The following ATXN7L1 variants were observed in gnomAD, a reference collection of about 807,000 sequenced individuals.
The protein encoded by ATXN7L1 is ataxin-7-like protein 1.
In ATXN7L1, 15 loss-of-function variants were observed where a neutral mutation model predicts 70.8. That is an observed-to-expected ratio of 0.21 (90% CI 0.14 to 0.33). The LOEUF (loss-of-function observed/expected upper bound fraction) is 0.33, where lower values mean the gene tolerates loss of function less well. Ranked by LOEUF, ATXN7L1 falls within the 10% of genes least tolerant of loss-of-function variation. The pLI is 1.00. For missense variants in ATXN7L1, 975 were observed against 1,097.1 expected (o/e 0.89, Z 1.57); for synonymous variants, 440 against 445.1 (o/e 0.99, Z 0.14).
At chr7:105,778,510 C>CAAAAA (rs745820046) in intron 3 of ATXN7L1, among the ~76,000 whole-genome samples, 61 of 34,118 alleles carry the variant, frequency 1.8e-3, no homozygotes, top group African/African-American at 7.1e-3. Context: ...GACCCTATCT[C>CAAAAA]AAAAAAAAAA....
At chr7:105,692,507 C>T (rs59901530) in intron 3 of ATXN7L1, among the ~76,000 whole-genome samples, 12,811 of 142,438 alleles carry the variant, frequency 0.09, 835 homozygotes, top group East Asian at 0.35. Context: ...AGTGCAATGG[C>T]GCTATCTTGG....
At chr7:105,662,023 TTTCTTTCCTTCCTTCC>T (rs1162690915) in intron 4 of ATXN7L1, among the ~76,000 whole-genome samples, 2,313 of 65,354 alleles carry the variant, frequency 0.035, 58 homozygotes, top group African/African-American at 0.087. Flanking sequence ...TCTTTCTTTC[TTTCTTTCCTTCCTTCC>T]TTCCTTCCTT....
At chr7:105,688,931 G>C (rs554432406) in intron 3 of ATXN7L1, among the ~76,000 whole-genome samples, 1 of 152,322 alleles carries the variant, frequency 6.6e-6, no homozygotes, top group East Asian at 1.9e-4. Context: ...TCTGATTACT[G>C]GTTCTAATTA....
chr7:105,639,326 C>A (rs1797840796), intron 6 of ATXN7L1, among the ~76,000 whole-genome samples, 161 bp downstream of exon 6: 1 of 148,678 alleles, frequency 6.7e-6, no homozygotes, highest in African/African-American at 2.5e-5. Flanking sequence ...TTGAGGCAGG[C>A]ACTCTGCTAC....
chr7:105,772,487 T>A (rs1802153887), intron 3 of ATXN7L1, among the ~76,000 whole-genome samples: 1 of 152,072 alleles, frequency 6.6e-6, no homozygotes, highest in Non-Finnish European at 1.5e-5. Context: ...ATGAGGCAAA[T>A]ACATATTGAC....
At chr7:105,656,316 C>T (rs895003065) in intron 4 of ATXN7L1, among the ~76,000 whole-genome samples, 5 of 152,172 alleles carry the variant, frequency 3.3e-5, no homozygotes, top group East Asian at 1.9e-4. Context: ...ATGTGGGGAC[C>T]GAGTCTTCTT....
chr7:105,760,227 T>C, intron 3 of ATXN7L1: 1 of 984,838 alleles, frequency 1.0e-6, no homozygotes, highest in Non-Finnish European at 1.2e-6. Flanking sequence ...CAGTGTGTCA[T>C]GCACTGGGAA....
intron 2 of ATXN7L1, among the ~76,000 whole-genome samples, chr7:105,839,481 G>A (rs554838097): frequency 7.6e-4 from 116 of 152,318 alleles, no homozygotes; most frequent in Non-Finnish European, 1.4e-3. Flanking sequence ...TAGCACATAT[G>A]AGCCTGTTTG....
intron 3 of ATXN7L1, among the ~76,000 whole-genome samples, chr7:105,754,401 CT>C (rs778417692): frequency 1.8e-3 from 264 of 145,372 alleles, no homozygotes; most frequent in Middle Eastern, 3.5e-3. Context: ...TTCTTTCTTT[CT>C]TTTTTTTTTT....
intron 3 of ATXN7L1, among the ~76,000 whole-genome samples, chr7:105,776,696 C>G (rs1802786370): frequency 6.6e-6 from 1 of 152,112 alleles, no homozygotes; most frequent in African/African-American, 2.4e-5. Flanking sequence ...ATTGGTGAAG[C>G]AGAAGGTGCC....
At chr7:105,697,317 G>A (rs1314916490) in intron 3 of ATXN7L1, among the ~76,000 whole-genome samples, 1 of 152,166 alleles carries the variant, frequency 6.6e-6, no homozygotes, top group African/African-American at 2.4e-5. Flanking sequence ...CGCCCCAGAG[G>A]GGCCAGTTCA....
intron 3 of ATXN7L1, among the ~76,000 whole-genome samples, chr7:105,710,639 C>G (rs1178772455): frequency 6.6e-6 from 1 of 151,456 alleles, no homozygotes; most frequent in African/African-American, 2.4e-5. Flanking sequence ...TCTCGATCTC[C>G]TGACCTCGTG....
intron 3 of ATXN7L1, among the ~76,000 whole-genome samples, chr7:105,674,616 C>A (rs1458159424): frequency 6.6e-6 from 1 of 152,066 alleles, no homozygotes; most frequent in Non-Finnish European, 1.5e-5. Flanking sequence ...TACCATGCCA[C>A]CCTGCCTGGG....
chr7:105,717,385 CA>C (rs1794696498), intron 3 of ATXN7L1, among the ~76,000 whole-genome samples: 1 of 152,160 alleles, frequency 6.6e-6, no homozygotes, highest in African/African-American at 2.4e-5. Context: ...CTCGGCCTCT[CA>C]AAGTGCTGGG....
intron 3 of ATXN7L1, among the ~76,000 whole-genome samples, chr7:105,665,804 C>A (rs181600369): frequency 6.6e-6 from 1 of 152,230 alleles, no homozygotes; most frequent in Admixed American, 6.5e-5. Flanking sequence ...GGAAGTGGCC[C>A]AGCAGCTGTC....
At chr7:105,713,388 G>A (rs1324863109) in intron 3 of ATXN7L1, among the ~76,000 whole-genome samples, 2 of 152,198 alleles carry the variant, frequency 1.3e-5, no homozygotes, top group Non-Finnish European at 2.9e-5. Context: ...GGGGTCTGAC[G>A]GGAATGGCTG....
At chr7:105,612,105 G>A (rs7803009) in intron 10 of ATXN7L1, among the ~76,000 whole-genome samples, 172 of 152,316 alleles carry the variant, frequency 1.1e-3, no homozygotes, top group African/African-American at 3.8e-3. Context: ...AGTATCAACA[G>A]AGCCACATCT....
At chr7:105,755,820 G>A (rs758678924) in intron 3 of ATXN7L1, among the ~76,000 whole-genome samples, 8 of 152,186 alleles carry the variant, frequency 5.3e-5, no homozygotes, top group Non-Finnish European at 8.8e-5. Flanking sequence ...TAAAGCATGG[G>A]CACTGAACAC....
intron 3 of ATXN7L1, among the ~76,000 whole-genome samples, chr7:105,775,912 G>A (rs1802656132): frequency 6.6e-6 from 1 of 152,168 alleles, no homozygotes; most frequent in Non-Finnish European, 1.5e-5. Flanking sequence ...GCTAATAGCT[G>A]CTATGAGGCT....
Sources: gnomAD v4.1 joint callset for allele counts (sites outside exome capture counted in the v4.1 genomes callset) on GRCh38, gnomAD v4.1.1 for gene constraint, MANE v1.5 for transcripts, NCBI Gene and HGNC (gene_info 2026-07-23, HGNC 2026-07-21) for gene names.